SEC24B: variants seen among roughly 807,000 people sequenced by gnomAD.
The protein encoded by SEC24B is SEC24 homolog B, COPII component.
A neutral mutation model predicts 142.8 loss-of-function variants in SEC24B; 45 were observed. That is an observed-to-expected ratio of 0.32 (90% CI 0.25 to 0.40). The LOEUF (loss-of-function observed/expected upper bound fraction) is 0.40, where lower values mean the gene tolerates loss of function less well. Among genes scored for constraint, SEC24B ranks in the 10% least tolerant of loss-of-function variants. The pLI, the probability that SEC24B is intolerant of heterozygous loss-of-function variation, is 1.00. For synonymous variants in SEC24B, 574 were observed against 568.2 expected (o/e 1.01, Z -0.15); for missense variants, 1,409 against 1,526.8 (o/e 0.92, Z 1.29).
intron 4 of SEC24B, among the ~76,000 whole-genome samples, chr4:109,489,595 A>T (rs1734773175): frequency 9.5e-6 from 1 of 105,558 alleles, no homozygotes; most frequent in Admixed American, 8.3e-5. Context: ...TCTTTCATAT[A>T]AATAGAATTA....
At chr4:109,460,416 A>G (rs1731133374) in intron 1 of SEC24B, among the ~76,000 whole-genome samples, 1 of 152,192 alleles carries the variant, frequency 6.6e-6, no homozygotes, top group Non-Finnish European at 1.5e-5. Flanking sequence ...TGGCACAGAT[A>G]CCTGTTTCCT....
At chr4:109,494,568 G>T (rs747781622) in intron 5 of SEC24B, 47 bp from the exon 6 acceptor site, 1 of 1,607,982 alleles carries the variant, frequency 6.2e-7, no homozygotes, top group Non-Finnish European at 8.5e-7. Context: ...CAGTCTTTGT[G>T]GAGTCTTGAT....
intron 11 of SEC24B, among the ~76,000 whole-genome samples, chr4:109,517,868 G>A (rs1477878288): frequency 7.9e-5 from 12 of 152,212 alleles, no homozygotes; most frequent in African/African-American, 2.9e-4. Context: ...AGAATGAGCT[G>A]GTTTAAAGGG....
Position 109,520,907 on chromosome 4 carries a change from G to A in SEC24B, c.2246-210G>A, listed in dbSNP as rs371557897. On this transcript the variant is annotated intron_variant, in intron 12 of 23. Coordinates refer to ENST00000265175, the MANE Select transcript of SEC24B (RefSeq NM_006323.5). ...CTCAGGAGGCTGAGGCAGGAGAATC[G>A]CTTGAACCCGGGAGGTGGAGGTTGC... Among the ~76,000 whole-genome samples, 19 of 152,260 alleles carry A rather than the reference G, an allele frequency of 1.2e-4. No homozygotes were observed. In the East Asian group the frequency reaches 2.9e-3, roughly 23 times the overall value.
intron 22 of SEC24B, among the ~76,000 whole-genome samples, chr4:109,536,433 A>G (rs1414243713): frequency 6.6e-6 from 1 of 152,236 alleles, no homozygotes; most frequent in African/African-American, 2.4e-5. Context: ...TATTTACCTT[A>G]TTCCTTATAT....
Position 109,491,549 on chromosome 4 carries a change from C to G in SEC24B, c.1246+142C>G, listed in dbSNP as rs551671905. On this transcript the variant is annotated intron_variant, in intron 5 of 23. Coordinates refer to ENST00000265175, the MANE Select transcript of SEC24B (RefSeq NM_006323.5). ...GGACATTTTTCTGGCACTTCTCAGC[C>G]TCAACTTAATAGCGTTGTCACTAAC... is the stretch of plus-strand genomic sequence containing the variant. 9.5e-4 allele frequency: 549 copies of G among 574,880 alleles called. 13 individuals carry two copies. In the South Asian group the frequency reaches 0.014, roughly 15 times the overall value. The allele number at this position is 574,880 out of a possible 1,614,324, so 35.6% of individuals were successfully genotyped here.
At chr4:109,476,831 G>A (rs544106518) in intron 3 of SEC24B, among the ~76,000 whole-genome samples, 10 of 152,266 alleles carry the variant, frequency 6.6e-5, no homozygotes, top group African/African-American at 2.2e-4. Flanking sequence ...AAGGTTACAT[G>A]TCTTACCTTA....
At chr4:109,499,780 G>A (rs1735919195) in intron 6 of SEC24B, among the ~76,000 whole-genome samples, 1 of 152,156 alleles carries the variant, frequency 6.6e-6, no homozygotes, top group South Asian at 2.1e-4. Context: ...CATAATACTT[G>A]ATAATGAAAA....
chr4:109,495,717 G>A (rs113169015), intron 6 of SEC24B, among the ~76,000 whole-genome samples: 5 of 152,256 alleles, frequency 3.3e-5, no homozygotes, highest in East Asian at 1.9e-4. Context: ...TTGTCTGCTC[G>A]TGTGACTGGC....
At chr4:109,478,422 T>C (rs1314065432) in intron 3 of SEC24B, among the ~76,000 whole-genome samples, 1 of 152,204 alleles carries the variant, frequency 6.6e-6, no homozygotes, top group Non-Finnish European at 1.5e-5. Context: ...AAAACATGTT[T>C]TTAAAGTTAG....
chr4:109,511,909 TC>T (rs1737378445), intron 8 of SEC24B, 47 bp from the exon 9 acceptor site: 2 of 1,600,768 alleles, frequency 1.2e-6, no homozygotes, highest in African/African-American at 2.7e-5. Flanking sequence ...GTTCTGTTTT[TC>T]CTTGGGGTGC....
intron 9 of SEC24B, 81 bp from the exon 10 acceptor site, chr4:109,513,666 T>TA: frequency 1.3e-6 from 1 of 773,914 alleles, no homozygotes; most frequent in Non-Finnish European, 2.3e-6. Context: ...ATATTGATAA[T>TA]AGATATTTAT....
chr4:109,471,289 G>T (rs1195581596), intron 2 of SEC24B, among the ~76,000 whole-genome samples: 1 of 151,762 alleles, frequency 6.6e-6, no homozygotes, highest in Non-Finnish European at 1.5e-5. Flanking sequence ...GACCACAGAT[G>T]CGCACCACCA....
At position 109,525,328 on chromosome 4, in the gene SEC24B, T is replaced by G; in HGVS notation, c.2633-18T>G. ...TTATTATTTCTATAGCTAATACTTT[T>G]TGTATTTCTCTCTAAAGCTTGCATG... On this transcript the variant is annotated intron_variant, in intron 15 of 23. Coordinates refer to ENST00000265175, the MANE Select transcript of SEC24B (RefSeq NM_006323.5). The G allele has an allele frequency of 6.4e-7, 1 of 1,558,946 alleles. No homozygotes were observed. The highest frequency in any genetic ancestry group is 8.7e-7 in the Non-Finnish European group (1 of 1,154,672).
chr4:109,477,140 TAAAAA>T (rs759331468), intron 3 of SEC24B, among the ~76,000 whole-genome samples: 59 of 55,912 alleles, frequency 1.1e-3, no homozygotes, highest in African/African-American at 2.5e-3. Context: ...CCGTCTCAAA[TAAAAA>T]AAAAAAAAAA....
At chr4:109,538,894 C>G (rs185374654) in intron 23 of SEC24B, among the ~76,000 whole-genome samples, 330 of 152,270 alleles carry the variant, frequency 2.2e-3, no homozygotes, top group Non-Finnish European at 4.1e-3. Context: ...AAGTAATCCT[C>G]CCAACTCAGA....
At chr4:109,457,498 G>T (rs1008621488) in intron 1 of SEC24B, among the ~76,000 whole-genome samples, 1 of 152,216 alleles carries the variant, frequency 6.6e-6, no homozygotes, top group Non-Finnish European at 1.5e-5. Context: ...CAAAGGTGAG[G>T]GCAGAGAAAA....
chr4:109,513,991 G>C (rs1737660525), intron 10 of SEC24B, 135 bp downstream of exon 10: 1 of 586,352 alleles, frequency 1.7e-6, no homozygotes, highest in Non-Finnish European at 3.0e-6. Flanking sequence ...AATGCTGGAA[G>C]TTTATATTTA....
At chr4:109,461,860 G>A (rs1366173296) in intron 1 of SEC24B, among the ~76,000 whole-genome samples, 1 of 152,132 alleles carries the variant, frequency 6.6e-6, no homozygotes, top group Non-Finnish European at 1.5e-5. Flanking sequence ...TATAATCCCA[G>A]CATTTTGGGA....
Sources: allele counts gnomAD v4.1 joint callset (sites outside exome capture counted in the v4.1 genomes callset), GRCh38; gene constraint gnomAD v4.1.1; transcripts MANE v1.5; gene names NCBI Gene and HGNC (gene_info 2026-07-23, HGNC 2026-07-21).